PTPRD: variants seen among roughly 807,000 people sequenced by gnomAD.
PTPRD encodes the protein protein tyrosine phosphatase receptor type D, also known as receptor-type tyrosine-protein phosphatase delta.
A neutral mutation model predicts 214.5 loss-of-function variants in PTPRD; 34 were observed. That is an observed-to-expected ratio of 0.16 (90% CI 0.12 to 0.21). The LOEUF (loss-of-function observed/expected upper bound fraction) is 0.21, where lower values mean the gene tolerates loss of function less well. Ranked by LOEUF, PTPRD falls within the 10% of genes least tolerant of loss-of-function variation. The pLI, the probability that PTPRD is intolerant of heterozygous loss-of-function variation, is 1.00. For missense variants in PTPRD, 2,545 were observed against 2,398.7 expected, an observed-to-expected ratio of 1.06 and a Z score of -1.27; for synonymous variants, 1,128 against 845.7, an observed-to-expected ratio of 1.33 and a Z score of -5.79.
chr9:10,057,851 CAA>C (rs112975551), intron 3 of PTPRD, among the ~76,000 whole-genome samples: 2 of 140,910 alleles, frequency 1.4e-5, no homozygotes, highest in African/African-American at 5.2e-5. Flanking sequence ...CAAAAAAAAA[CAA>C]AAAAAAAACA....
intron 7 of PTPRD, among the ~76,000 whole-genome samples, chr9:9,653,460 A>C (rs988177575): frequency 3.3e-5 from 5 of 151,792 alleles, no homozygotes; most frequent in African/African-American, 1.2e-4. Context: ...AAACTTAAAA[A>C]TGAATATATT....
intron 3 of PTPRD, among the ~76,000 whole-genome samples, chr9:10,077,067 CCAAA>C (rs1391452621): frequency 2.0e-5 from 3 of 152,116 alleles, no homozygotes; most frequent in Admixed American, 1.3e-4. Context: ...ACTACAGACA[CCAAA>C]CAAATTGTGG....
intron 4 of PTPRD, among the ~76,000 whole-genome samples, chr9:10,020,286 T>C (rs1259895930): frequency 1.3e-5 from 2 of 152,178 alleles, no homozygotes; most frequent in Non-Finnish European, 2.9e-5. Flanking sequence ...TGTATATCAA[T>C]ACAATATTAG....
At chr9:9,251,398 T>A (rs1024838537) in intron 9 of PTPRD, among the ~76,000 whole-genome samples, 1 of 152,148 alleles carries the variant, frequency 6.6e-6, no homozygotes, top group Non-Finnish European at 1.5e-5. Flanking sequence ...TATTCATACA[T>A]ACTTGCTAGT....
At chr9:10,189,529 C>A (rs1347592812) in intron 3 of PTPRD, among the ~76,000 whole-genome samples, 1 of 152,094 alleles carries the variant, frequency 6.6e-6, no homozygotes, top group African/African-American at 2.4e-5. Context: ...ATATATTCCA[C>A]CCTTGGAAGA....
chr9:9,143,088 A>G (rs776796113), intron 10 of PTPRD, among the ~76,000 whole-genome samples: 25 of 152,068 alleles, frequency 1.6e-4, no homozygotes, highest in Non-Finnish European at 3.4e-4. Context: ...GTAACATTTC[A>G]CTACCACTTG....
chr9:8,425,957 G>A lies in PTPRD; in HGVS notation c.4086+10635C>T, dbSNP rs1396320262. ...ATGTACAAAATATGAAAAGAACTCT[G>A]TAGTTCTTCATAATTACCCTCCATC... On this transcript the variant is annotated intron_variant, in intron 35 of 45. Coordinates refer to ENST00000381196, the MANE Select transcript of PTPRD (RefSeq NM_002839.4). Among the ~76,000 whole-genome samples, 3 of 152,078 alleles carry A rather than the reference G, an allele frequency of 2.0e-5. No homozygotes were observed. In the East Asian group the frequency reaches 5.8e-4, roughly 29 times the overall value.
intron 9 of PTPRD, among the ~76,000 whole-genome samples, chr9:9,230,700 C>T (rs944254711): frequency 1.3e-5 from 2 of 152,080 alleles, no homozygotes; most frequent in African/African-American, 4.8e-5. Flanking sequence ...AAACTCCACA[C>T]AGTTGTTGTC....
intron 10 of PTPRD, among the ~76,000 whole-genome samples, chr9:9,163,704 A>C (rs1056949495): frequency 2.0e-5 from 3 of 152,098 alleles, no homozygotes; most frequent in African/African-American, 7.2e-5. Context: ...CAAACCTCTA[A>C]CCATTTAATA....
At chr9:8,761,479 G>C (rs555333602) in intron 11 of PTPRD, among the ~76,000 whole-genome samples, 1 of 152,248 alleles carries the variant, frequency 6.6e-6, no homozygotes, top group African/African-American at 2.4e-5. Context: ...CATGGATGGA[G>C]AGAGCAAGCA....
intron 4 of PTPRD, among the ~76,000 whole-genome samples, chr9:9,965,980 T>C (rs2094666044): frequency 6.6e-6 from 1 of 152,194 alleles, no homozygotes; most frequent in Admixed American, 6.5e-5. Context: ...TTTGAGTATA[T>C]TGCTAAAAGC....
chr9:10,156,146 C>G (rs1195268425), intron 3 of PTPRD, among the ~76,000 whole-genome samples: 1 of 147,182 alleles, frequency 6.8e-6, no homozygotes, highest in Non-Finnish European at 1.5e-5. Context: ...TGGTTCAGCT[C>G]TAATTTTGGT....
At chr9:8,783,029 C>G (rs34498033) in intron 11 of PTPRD, among the ~76,000 whole-genome samples, 53,965 of 151,998 alleles carry the variant, frequency 0.36, 10,207 homozygotes, top group Middle Eastern at 0.44. Context: ...CTAAATCTTA[C>G]CCATTCCTCA....
intron 11 of PTPRD, among the ~76,000 whole-genome samples, chr9:8,881,504 T>C (rs1197719162): frequency 1.3e-5 from 2 of 152,210 alleles, no homozygotes; most frequent in African/African-American, 4.8e-5. Context: ...GTTCTTTCTG[T>C]AATGGAAGGG....
intron 12 of PTPRD, among the ~76,000 whole-genome samples, chr9:8,658,530 T>G (rs2096960252): frequency 6.6e-6 from 1 of 152,170 alleles, no homozygotes; most frequent in South Asian, 2.1e-4. Context: ...AATATGTCTA[T>G]TTTTAAAAAA....
intron 2 of PTPRD, among the ~76,000 whole-genome samples, chr9:10,446,870 G>C (rs1290232110): frequency 6.6e-6 from 1 of 152,124 alleles, no homozygotes; most frequent in South Asian, 2.1e-4. Context: ...CCTAATGTTT[G>C]TGCCACAGCA....
In PTPRD at chr9:10,159,134, T is replaced by C. The variant is rs151164666; in HGVS notation, c.-544-125344A>G. ...TTATTTACTAGAACTCAGGTAAATATGGGCTTAAGGTACCATCTACTCTCA... is the reference window on the plus strand; with the variant it reads ...TTATTTACTAGAACTCAGGTAAATACGGGCTTAAGGTACCATCTACTCTCA... On this transcript the variant is annotated intron_variant, in intron 3 of 45. Transcript: ENST00000381196. Among the ~76,000 whole-genome samples, 355 of 151,970 alleles carry C rather than the reference T, an allele frequency of 2.3e-3. 3 individuals carry two copies. Among genetic ancestry groups the C allele is most frequent in the African/African-American group, 8.3e-3 (342 of 41,440 alleles).
At chr9:10,018,493 A>T (rs966745191) in intron 4 of PTPRD, among the ~76,000 whole-genome samples, 2 of 150,144 alleles carry the variant, frequency 1.3e-5, no homozygotes, top group East Asian at 3.9e-4. Flanking sequence ...TTGTTCTCAA[A>T]TATACCATTA....
intron 5 of PTPRD, among the ~76,000 whole-genome samples, chr9:9,803,306 G>C (rs1049763693): frequency 6.7e-6 from 1 of 150,314 alleles, no homozygotes; most frequent in African/African-American, 2.4e-5. Context: ...CTCATTGGTA[G>C]TAAAAAATGT....
Sources: gnomAD v4.1 joint callset for allele counts (sites outside exome capture counted in the v4.1 genomes callset) on GRCh38, gnomAD v4.1.1 for gene constraint, MANE v1.5 for transcripts, NCBI Gene and HGNC (gene_info 2026-07-23, HGNC 2026-07-21) for gene names.